The following ADAM12 variants were observed in gnomAD, a reference collection of about 807,000 sequenced individuals.
ADAM12 encodes the protein ADAM metallopeptidase domain 12.
Under a neutral mutation model 106.4 loss-of-function variants are expected in ADAM12, and 70 were observed. The observed-to-expected ratio is 0.66, with a 90% CI of 0.54 to 0.80. ADAM12 has a LOEUF of 0.80. Among genes scored for constraint, ADAM12 ranks in the 30% least tolerant of loss-of-function variants. ADAM12 has a pLI of 0.00. For missense variants in ADAM12, 1,010 were observed against 1,171.9 expected, an observed-to-expected ratio of 0.86 and a Z score of 2.02; for synonymous variants, 420 against 433.5, an observed-to-expected ratio of 0.97 and a Z score of 0.39.
chr10:126,339,688 G>A (rs1854848908), intron 1 of ADAM12, among the ~76,000 whole-genome samples: 1 of 152,082 alleles, frequency 6.6e-6, no homozygotes, highest in African/African-American at 2.4e-5. Flanking sequence ...TGGGTTCCAG[G>A]AACAGCCAGG....
chr10:126,018,097 C>T (rs1034091466), intron 22 of ADAM12, among the ~76,000 whole-genome samples: 1 of 152,244 alleles, frequency 6.6e-6, no homozygotes, highest in African/African-American at 2.4e-5. Flanking sequence ...TTATCTCTGA[C>T]ATTTATTAAG....
chr10:126,276,367 A>C (rs1018181230), intron 3 of ADAM12, among the ~76,000 whole-genome samples: 2 of 152,232 alleles, frequency 1.3e-5, no homozygotes, highest in African/African-American at 4.8e-5. Flanking sequence ...ATGGCTATGC[A>C]AATTTAAAAT....
rs571131295 is a variant in ADAM12, at chr10:126,348,636, C to T, written c.89-18127G>A. On this transcript the variant is annotated intron_variant, in intron 1 of 22. Coordinates refer to ENST00000448723, the MANE Select transcript of ADAM12 (RefSeq NM_001288973.2). ...CTAACAGAACACTCTTTTTATTCTG[C>T]AGGATGACTGAACTGAGATTTCCTC... 2.3e-3 allele frequency among the ~76,000 whole-genome samples: 344 copies of T among 152,224 alleles called. 1 individual carries two copies. Among genetic ancestry groups the T allele is most frequent in the African/African-American group, 7.6e-3 (316 of 41,548 alleles).
In ADAM12 at chr10:126,257,980, G is replaced by A. The variant is rs189087027; in HGVS notation, c.260+20935C>T. Among the ~76,000 whole-genome samples the A allele has an allele frequency of 1.5e-3, 233 of 152,178 alleles. 1 individual carries two copies. The highest frequency in any genetic ancestry group is 1.6e-3 in the Non-Finnish European group (110 of 68,010). ...CTATTTGGCAACCTCAAATAGAATT[G>A]GCCTCTCAATTTTCACAATGAGAAG... is the stretch of plus-strand genomic sequence containing the variant. On this transcript the variant is annotated intron_variant, in intron 3 of 22. Coordinates refer to ENST00000448723, the MANE Select transcript of ADAM12 (RefSeq NM_001288973.2).
rs147829776 is a variant in ADAM12 at position 126,076,135 on chromosome 10, T to C, written c.1146-4481A>G. On this transcript the variant is annotated intron_variant, in intron 11 of 22. Coordinates refer to ENST00000448723, the MANE Select transcript of ADAM12 (RefSeq NM_001288973.2). ...TGTTGTACTCATCTTTACATCTACG[T>C]GTATTCAATGTTTAGTGCCCACTTA... 2.4e-4 allele frequency among the ~76,000 whole-genome samples: 36 copies of C among 152,272 alleles called. No individual in the cohort carries two copies. The East Asian group carries it at 5.2e-3, about 22-fold the overall frequency.
chr10:126,260,904 C>T (rs970262776), intron 3 of ADAM12, among the ~76,000 whole-genome samples: 24 of 152,100 alleles, frequency 1.6e-4, no homozygotes, highest in African/African-American at 5.8e-4. Context: ...CCCTCCGCAT[C>T]CTGGGGTTCC....
chr10:126,330,766 T>C (rs1854484070), intron 1 of ADAM12, among the ~76,000 whole-genome samples: 1 of 152,232 alleles, frequency 6.6e-6, no homozygotes, highest in South Asian at 2.1e-4. Context: ...GCTGGGGTAT[T>C]ATCATAGACA....
intron 3 of ADAM12, among the ~76,000 whole-genome samples, chr10:126,258,273 C>A (rs1191697412): frequency 2.6e-5 from 4 of 152,174 alleles, no homozygotes; most frequent in Non-Finnish European, 5.9e-5. Flanking sequence ...GAGTCTGAGT[C>A]ATCTCACAGT....
At chr10:126,352,426 G>A (rs1163970228) in intron 1 of ADAM12, among the ~76,000 whole-genome samples, 1 of 152,132 alleles carries the variant, frequency 6.6e-6, no homozygotes, top group African/African-American at 2.4e-5. Flanking sequence ...TAAAGTTTAA[G>A]ATAAATTAAG....
intron 4 of ADAM12, among the ~76,000 whole-genome samples, chr10:126,141,377 T>TC (rs1956508680): frequency 6.6e-6 from 1 of 152,204 alleles, no homozygotes; most frequent in Non-Finnish European, 1.5e-5. Context: ...TTTGCCTAGT[T>TC]CTGCTGATCC....
In ADAM12 at chr10:126,049,299, G is replaced by A. The variant is rs759677893; in HGVS notation, c.1871C>T (p.Pro624Leu). ...GCCTGCAAGCACAAGCCCTGGGTCC[G>A]GCATGTCATCGCCCAAGTACACGTG... is the stretch of plus-strand genomic sequence containing the variant. ...GTHVYLGDDM[P>L]DPGLVLAGTK... Residue 624 changes from proline (P) to leucine (L), a missense_variant, in exon 16 of 23, where the codon CCG becomes CTG. Pro to Leu is a moderately conservative substitution (Grantham distance 98). This residue lies in a region of ADAM12 where 615 missense variants were observed against 708.5 expected (regional missense o/e 0.87). Coordinates refer to ENST00000448723, the MANE Select transcript of ADAM12 (RefSeq NM_001288973.2). This position sits in a 1 kb window ranked among gnomAD's most constrained non-coding sequence, Gnocchi z 4.4. The A allele has an allele frequency of 1.2e-5, 19 of 1,614,058 alleles. No individual in the cohort carries two copies. The highest frequency in any genetic ancestry group is 1.5e-5 in the Non-Finnish European group (18 of 1,180,042).
intron 2 of ADAM12, among the ~76,000 whole-genome samples, chr10:126,311,094 T>TACACATACACAC (rs1961069012): frequency 7.2e-6 from 1 of 138,454 alleles, no homozygotes; most frequent in Non-Finnish European, 1.6e-5. Flanking sequence ...TACACACAAA[T>TACACATACACAC]ACACACACAC....
rs575354547 is a variant in ADAM12 at position 126,357,173 on chromosome 10, G to A, written c.89-26664C>T. ...CACCATAACACATATTAATCAAACT[G>A]TCAAAACTTAAAGACAAAAAATTGT... On this transcript the variant is annotated intron_variant, in intron 1 of 22. Transcript: ENST00000448723. Among the ~76,000 whole-genome samples, 27 of 152,132 alleles carry A rather than the reference G, an allele frequency of 1.8e-4. No individual in the cohort carries two copies. The South Asian group carries it at 2.9e-3, about 16-fold the overall frequency.
intron 3 of ADAM12, among the ~76,000 whole-genome samples, chr10:126,159,103 A>C (rs1956885501): frequency 6.6e-6 from 1 of 152,086 alleles, no homozygotes; most frequent in Admixed American, 6.5e-5. Flanking sequence ...AGGTCAGGAG[A>C]TCGAGACCAT....
intron 3 of ADAM12, among the ~76,000 whole-genome samples, chr10:126,174,101 C>T (rs10901547): frequency 0.23 from 34,713 of 147,968 alleles, 4,944 homozygotes; most frequent in Middle Eastern, 0.33. Context: ...TCCCGCCTCC[C>T]GGTTTCAAGC....
At chr10:126,138,724 G>T (rs1236221624) in intron 4 of ADAM12, among the ~76,000 whole-genome samples, 9 of 151,684 alleles carry the variant, frequency 5.9e-5, no homozygotes, top group Admixed American at 5.3e-4. Flanking sequence ...TTTTGATGAG[G>T]TCTTGTCTAT....
chr10:126,107,132 T>C (rs1462891799), intron 8 of ADAM12, among the ~76,000 whole-genome samples: 1 of 152,106 alleles, frequency 6.6e-6, no homozygotes, highest in Non-Finnish European at 1.5e-5. Context: ...GGAACACACA[T>C]GCATGTACAT....
chr10:126,320,380 C>G (rs764242253), intron 2 of ADAM12, among the ~76,000 whole-genome samples: 1 of 152,058 alleles, frequency 6.6e-6, no homozygotes, highest in Non-Finnish European at 1.5e-5. Flanking sequence ...TGTAGTCAAG[C>G]GTTGTTTTAA....
intron 1 of ADAM12, among the ~76,000 whole-genome samples, chr10:126,351,197 C>A: frequency 6.6e-6 from 1 of 152,070 alleles, no homozygotes; most frequent in East Asian, 1.9e-4. Context: ...GCTCCCCCAC[C>A]CCACCCTGCC....
Sources: gnomAD v4.1 joint callset for allele counts (sites outside exome capture counted in the v4.1 genomes callset) on GRCh38, gnomAD v4.1.1 for gene constraint, gnomAD v4.1.1 regional missense constraint, Gnocchi (gnomAD v3.1) non-coding constraint, MANE v1.5 for transcripts, NCBI Gene and HGNC (gene_info 2026-07-23, HGNC 2026-07-21) for gene names.